Variants in KAT2B observed in about 807,000 individuals in gnomAD.
KAT2B encodes lysine acetyltransferase 2B.
In KAT2B, 36 loss-of-function variants were observed where a neutral mutation model predicts 105.9. The ratio of observed to expected loss-of-function variants is 0.34; its 90% CI spans 0.26 to 0.45. The LOEUF (loss-of-function observed/expected upper bound fraction) is 0.45, where lower values mean the gene tolerates loss of function less well. Ranked by LOEUF, KAT2B falls within the 20% of genes least tolerant of loss-of-function variation. The pLI, the probability that KAT2B is intolerant of heterozygous loss-of-function variation, is 1.00. For missense variants in KAT2B, 820 were observed against 1,021.6 expected, an observed-to-expected ratio of 0.80 and a Z score of 2.69; for synonymous variants, 397 against 377.9, an observed-to-expected ratio of 1.05 and a Z score of -0.59.
chr3:20,122,098 A>G (rs1699321836), intron 8 of KAT2B, among the ~76,000 whole-genome samples: 1 of 152,154 alleles, frequency 6.6e-6, no homozygotes, highest in South Asian at 2.1e-4. Context: ...GGCTTTAAAC[A>G]AACAACTGAG....
intron 5 of KAT2B, among the ~76,000 whole-genome samples, chr3:20,108,185 C>G (rs1045437753): frequency 4.6e-5 from 7 of 152,146 alleles, no homozygotes; most frequent in South Asian, 4.1e-4. Flanking sequence ...TGGAGTCCTA[C>G]TAGAACAATC....
chr3:20,144,367 C>T (rs1356393370), intron 13 of KAT2B, among the ~76,000 whole-genome samples: 1 of 141,296 alleles, frequency 7.1e-6, no homozygotes, highest in Admixed American at 7.6e-5. Context: ...TGGCTCACTG[C>T]AAGCTCTGCC....
intron 11 of KAT2B, among the ~76,000 whole-genome samples, chr3:20,130,393 A>G (rs1386296797): frequency 6.6e-6 from 1 of 152,194 alleles, no homozygotes; most frequent in African/African-American, 2.4e-5. Flanking sequence ...CCGCTAGCCA[A>G]AGTGACAAAT....
Position 20,072,310 on chromosome 3 carries a change from CTCTT to C in KAT2B, c.304-17_304-14del. ...ACGGCTGCCTGTTAAATAATTTTGT[CTCTT>C]TCTTTATTCCATTTTTAGGCCGAGG... On this transcript the variant is annotated intron_variant, in intron 1 of 17. Transcript: ENST00000263754. 3 of 1,611,846 alleles carry C rather than the reference CTCTT, an allele frequency of 1.9e-6. No homozygotes were observed. Among genetic ancestry groups the C allele is most frequent in the Non-Finnish European group, 2.5e-6 (3 of 1,178,048 alleles).
intron 2 of KAT2B, among the ~76,000 whole-genome samples, chr3:20,084,764 C>T (rs991645561): frequency 6.6e-6 from 1 of 152,132 alleles, no homozygotes; most frequent in Non-Finnish European, 1.5e-5. Flanking sequence ...AGAATCCCAA[C>T]AAGGGAATGG....
chr3:20,063,194 A>T (rs1239784760), intron 1 of KAT2B, among the ~76,000 whole-genome samples: 1 of 151,864 alleles, frequency 6.6e-6, no homozygotes, highest in East Asian at 1.9e-4. Context: ...CAGCCTTCTG[A>T]GTGGCTGTGA....
At chr3:20,064,611 C>G (rs1698193680) in intron 1 of KAT2B, among the ~76,000 whole-genome samples, 1 of 152,192 alleles carries the variant, frequency 6.6e-6, no homozygotes, top group South Asian at 2.1e-4. Context: ...CCTGCCTGGA[C>G]ACATTTTGTG....
At chr3:20,101,888 C>T (rs73818810) in intron 5 of KAT2B, among the ~76,000 whole-genome samples, 11,402 of 152,140 alleles carry the variant, frequency 0.075, 487 homozygotes, top group East Asian at 0.2. Flanking sequence ...AGTGTGGCTA[C>T]TAGAAAATTT....
At chr3:20,146,540 C>G (rs1699786529) in intron 14 of KAT2B, 110 bp downstream of exon 14, 2 of 652,770 alleles carry the variant, frequency 3.1e-6, no homozygotes, top group Non-Finnish European at 5.5e-6. Flanking sequence ...CCCTGCCCGT[C>G]TCTGTGTTAT....
chr3:20,126,233 G>C, intron 10 of KAT2B, 120 bp downstream of exon 10: 2 of 776,692 alleles, frequency 2.6e-6, no homozygotes, highest in South Asian at 1.8e-5. Flanking sequence ...TCTTGCTGTG[G>C]ATACAGAGCT....
intron 9 of KAT2B, among the ~76,000 whole-genome samples, chr3:20,124,711 TG>T (rs750336790): frequency 3.3e-5 from 5 of 152,244 alleles, no homozygotes; most frequent in Non-Finnish European, 5.9e-5. Flanking sequence ...TGGCTTGTAC[TG>T]GAATGCACAA....
At position 20,051,119 on chromosome 3, in the gene KAT2B, G is replaced by A. The variant is rs1011991827; in HGVS notation, c.303+10339G>A. On this transcript the variant is annotated intron_variant, in intron 1 of 17. Coordinates refer to ENST00000263754, the MANE Select transcript of KAT2B (RefSeq NM_003884.5). ...GGAGGCTGAGGCATGAGGATGGCTTGAACCCAGGAGGCAGAGGTTGCAGTG... is the reference window on the plus strand; with the variant it reads ...GGAGGCTGAGGCATGAGGATGGCTTAAACCCAGGAGGCAGAGGTTGCAGTG... Among the ~76,000 whole-genome samples the A allele has an allele frequency of 4.7e-5, 7 of 148,600 alleles. No individual in the cohort carries two copies. The Admixed American group carries it at 4.8e-4, about 10-fold the overall frequency.
At chr3:20,062,015 A>ATATATAAAACATAATATATAT (rs1430944052) in intron 1 of KAT2B, among the ~76,000 whole-genome samples, 4 of 71,448 alleles carry the variant, frequency 5.6e-5, no homozygotes, top group East Asian at 2.8e-4. Flanking sequence ...AATATATATT[A>ATATATAAAACATAATATATAT]TATATAAAAC....
intron 3 of KAT2B, among the ~76,000 whole-genome samples, chr3:20,098,525 C>CT (rs371422367): frequency 3.3e-5 from 5 of 151,968 alleles, no homozygotes; most frequent in Non-Finnish European, 5.9e-5. Flanking sequence ...CTATTAAGAA[C>CT]TTTTTTTTAT....
intron 11 of KAT2B, 43 bp from the exon 12 acceptor site, chr3:20,136,899 T>G: frequency 9.9e-7 from 1 of 1,013,814 alleles, no homozygotes; most frequent in Non-Finnish European, 1.5e-6. Flanking sequence ...AAAATTTTTC[T>G]CCCCAGTCTA....
At chr3:20,102,000 A>G (rs1324629548) in intron 5 of KAT2B, among the ~76,000 whole-genome samples, 1 of 152,170 alleles carries the variant, frequency 6.6e-6, no homozygotes, top group Non-Finnish European at 1.5e-5. Flanking sequence ...CAAAAAATGC[A>G]ATGACCATAT....
chr3:20,126,787 A>T (rs1388747527), intron 10 of KAT2B, among the ~76,000 whole-genome samples: 1 of 136,492 alleles, frequency 7.3e-6, no homozygotes, highest in Non-Finnish European at 1.5e-5. Context: ...GTGCCATTGC[A>T]CTCCAGCCTG....
intron 13 of KAT2B, among the ~76,000 whole-genome samples, chr3:20,140,619 T>A (rs1185603986): frequency 6.6e-6 from 1 of 152,032 alleles, no homozygotes; most frequent in African/African-American, 2.4e-5. Flanking sequence ...GCCTCCCGAG[T>A]AGCTAAGATT....
chr3:20,062,183 T>A (rs1330663104), intron 1 of KAT2B, among the ~76,000 whole-genome samples: 505 of 42,078 alleles, frequency 0.012, 33 homozygotes, highest in African/African-American at 0.041. Flanking sequence ...TAATATATAA[T>A]ATATAAAATA....
Sources: gnomAD v4.1 joint callset for allele counts (sites outside exome capture counted in the v4.1 genomes callset) on GRCh38, gnomAD v4.1.1 for gene constraint, MANE v1.5 for transcripts, NCBI Gene and HGNC (gene_info 2026-07-23, HGNC 2026-07-21) for gene names.